PRKG2: variants seen among roughly 807,000 people sequenced by gnomAD.
PRKG2 encodes cGMP-dependent protein kinase 2.
A neutral mutation model predicts 97.2 loss-of-function variants in PRKG2; 33 were observed. The observed-to-expected ratio is 0.34, with a 90% CI of 0.26 to 0.45. The LOEUF (loss-of-function observed/expected upper bound fraction) is 0.45, where lower values mean the gene tolerates loss of function less well. Ranked by LOEUF, PRKG2 falls within the 20% of genes least tolerant of loss-of-function variation. The pLI is 1.00. For synonymous variants in PRKG2, 330 were observed against 321.8 expected (o/e 1.03, Z -0.27); for missense variants, 638 against 900.0 (o/e 0.71, Z 3.73).
At chr4:81,160,835 G>A (rs915312265) in intron 6 of PRKG2, among the ~76,000 whole-genome samples, 6 of 152,046 alleles carry the variant, frequency 3.9e-5, no homozygotes, top group East Asian at 1.9e-4. Flanking sequence ...CTATCCACCT[G>A]TCAGACCAAA....
At chr4:81,200,225 T>C (rs1459379824) in intron 2 of PRKG2, among the ~76,000 whole-genome samples, 1 of 152,230 alleles carries the variant, frequency 6.6e-6, no homozygotes, top group Non-Finnish European at 1.5e-5. Context: ...CTATGTGAGC[T>C]CTTCCCTGCC....
In PRKG2 at chr4:81,089,775, A is replaced by T. The variant is rs1741365806; in HGVS notation, c.2222T>A (p.Phe741Tyr). 2 of 1,612,468 alleles carry T rather than the reference A, an allele frequency of 1.2e-6. No homozygotes were observed. Among genetic ancestry groups the T allele is most frequent in the East Asian group, 4.5e-5 (2 of 44,836 alleles). ...ELKGPIDHSY[F>Y]DKYPPEKGMP... ...TCCCTTTTCAGGAGGATATTTGTCAAAGTAGCTGTGATCTATGGGTCCCTT... is the reference window on the plus strand; with the variant it reads ...TCCCTTTTCAGGAGGATATTTGTCATAGTAGCTGTGATCTATGGGTCCCTT... Residue 741 changes from phenylalanine (F) to tyrosine (Y), a missense_variant, in exon 19 of 19, where the codon TTT (phenylalanine) becomes TAT (tyrosine). By Grantham distance (22) the Phe-to-Tyr change is conservative. Coordinates refer to ENST00000264399, the MANE Select transcript of PRKG2 (RefSeq NM_006259.3).
intron 14 of PRKG2, among the ~76,000 whole-genome samples, chr4:81,120,254 G>A (rs77408715): frequency 0.03 from 4,538 of 152,178 alleles, 105 homozygotes; most frequent in Non-Finnish European, 0.048. Context: ...ATTTCTGTAC[G>A]TCACTTCCCT....
At chr4:81,108,359 C>T (rs984301568) in intron 15 of PRKG2, among the ~76,000 whole-genome samples, 56 of 151,806 alleles carry the variant, frequency 3.7e-4, no homozygotes, top group African/African-American at 1.3e-3. Context: ...AGATAATAAA[C>T]GAGACAGTCA....
At chr4:81,197,913 G>A (rs1753061538) in intron 2 of PRKG2, among the ~76,000 whole-genome samples, 1 of 152,184 alleles carries the variant, frequency 6.6e-6, no homozygotes, top group South Asian at 2.1e-4. Flanking sequence ...TAATCTGAAG[G>A]AGTAAAGGGA....
chr4:81,117,702 A>T (rs976711208), intron 14 of PRKG2, among the ~76,000 whole-genome samples: 5 of 152,180 alleles, frequency 3.3e-5, no homozygotes, highest in African/African-American at 1.2e-4. Flanking sequence ...TTTTAGAGCA[A>T]TCAGTGAAAC....
chr4:81,122,482 G>T (rs1156820666), intron 14 of PRKG2, among the ~76,000 whole-genome samples: 1 of 152,048 alleles, frequency 6.6e-6, no homozygotes, highest in Non-Finnish European at 1.5e-5. Flanking sequence ...CATGACTAAG[G>T]AATAAGAGTA....
At chr4:81,106,130 T>C (rs568598184) in intron 15 of PRKG2, among the ~76,000 whole-genome samples, 195 bp from the exon 16 acceptor site, 8 of 152,192 alleles carry the variant, frequency 5.3e-5, no homozygotes, top group Admixed American at 1.3e-4. Flanking sequence ...TAGCACACAA[T>C]ACACACACAC....
intron 1 of PRKG2, 25 bp from the exon 2 acceptor site, chr4:81,205,085 T>C (rs911608404): frequency 6.8e-7 from 1 of 1,470,136 alleles, no homozygotes; most frequent in Non-Finnish European, 9.2e-7. Flanking sequence ...AATTGGGAAG[T>C]ATCAAGTGGA....
intron 14 of PRKG2, among the ~76,000 whole-genome samples, chr4:81,120,923 G>A (rs1223541453): frequency 6.6e-6 from 1 of 152,154 alleles, no homozygotes; most frequent in Non-Finnish European, 1.5e-5. Context: ...GATGTGAGCT[G>A]TAGGCTTTTT....
At chr4:81,155,714 G>C (rs1441060000) in intron 6 of PRKG2, among the ~76,000 whole-genome samples, 1 of 151,892 alleles carries the variant, frequency 6.6e-6, no homozygotes, top group Admixed American at 6.6e-5. Context: ...AAGCCCATCA[G>C]ACTAACAGCA....
At chr4:81,122,168 T>C (rs761519031) in intron 14 of PRKG2, among the ~76,000 whole-genome samples, 6 of 152,202 alleles carry the variant, frequency 3.9e-5, no homozygotes, top group Non-Finnish European at 8.8e-5. Flanking sequence ...ATTATATAAA[T>C]GCTGCATAGG....
chr4:81,148,066 A>G (rs549804318), intron 9 of PRKG2, among the ~76,000 whole-genome samples: 13 of 152,252 alleles, frequency 8.5e-5, no homozygotes, highest in East Asian at 1.9e-4. Flanking sequence ...TAAATGCTCT[A>G]AAGTTTTTTC....
At chr4:81,201,505 C>T (rs983706790) in intron 2 of PRKG2, among the ~76,000 whole-genome samples, 23 of 152,102 alleles carry the variant, frequency 1.5e-4, no homozygotes, top group African/African-American at 5.6e-4. Context: ...TAGGGAGGTA[C>T]AATTAGACAA....
At chr4:81,096,601 CTAAG>C (rs761109999) in intron 17 of PRKG2, among the ~76,000 whole-genome samples, 8 of 152,104 alleles carry the variant, frequency 5.3e-5, no homozygotes, top group Non-Finnish European at 8.8e-5. Context: ...ACATTATCAA[CTAAG>C]TAAGTTTATG....
chr4:81,128,130 C>T (rs1291265161), intron 14 of PRKG2, among the ~76,000 whole-genome samples: 1 of 152,078 alleles, frequency 6.6e-6, no homozygotes, highest in Non-Finnish European at 1.5e-5. Context: ...TAATGAATTA[C>T]ATTTATTTAT....
intron 2 of PRKG2, chr4:81,176,162 T>A (rs556316660): frequency 6.6e-6 from 1 of 152,260 alleles, no homozygotes; most frequent in South Asian, 2.1e-4. Context: ...GACTCAAAGC[T>A]ATTCAAATTA....
upstream of PRKG2, among the ~76,000 whole-genome samples, chr4:81,216,310 T>G (rs1050773140): frequency 6.6e-6 from 1 of 151,388 alleles, no homozygotes; most frequent in African/African-American, 2.4e-5. Flanking sequence ...ATCGCGAAAG[T>G]ACACAAAGTA....
At chr4:81,119,797 C>A (rs976733773) in intron 14 of PRKG2, among the ~76,000 whole-genome samples, 3 of 151,932 alleles carry the variant, frequency 2.0e-5, no homozygotes, top group African/African-American at 4.8e-5. Context: ...GCCTCAGCCT[C>A]CCGAGTAGCT....
Sources: gnomAD v4.1 joint callset for allele counts (sites outside exome capture counted in the v4.1 genomes callset) on GRCh38, gnomAD v4.1.1 for gene constraint, MANE v1.5 for transcripts, NCBI Gene and HGNC (gene_info 2026-07-23, HGNC 2026-07-21) for gene names.